SSPN: variants seen among roughly 807,000 people sequenced by gnomAD.
SSPN encodes sarcospan.
SSPN carries 15 observed loss-of-function variants against 19.1 expected under a neutral mutation model. That is an observed-to-expected ratio of 0.78 (90% confidence interval 0.52 to 1.21). The LOEUF is 1.21. SSPN is among the 50% of genes most tolerant of loss of function. SSPN has a pLI of 0.00. For missense variants in SSPN, 291 were observed against 314.0 expected (o/e 0.93, Z 0.55); for synonymous variants, 147 against 140.3 (o/e 1.05, Z -0.34).
chr12:26,201,011 G>GTATATATATA (rs869035319), intron 1 of SSPN, among the ~76,000 whole-genome samples: 2 of 76,024 alleles, frequency 2.6e-5, no homozygotes, highest in African/African-American at 9.3e-5. Flanking sequence ...GTTAATTTGT[G>GTATATATATA]TATATATATA....
At position 26,183,210 on chromosome 12, in the gene SSPN, G is replaced by A. The variant is rs146529213; in HGVS notation, c.-30-41083G>A. Among the ~76,000 whole-genome samples the A allele has an allele frequency of 2.6e-3, 391 of 152,250 alleles. 3 individuals carry two copies. The highest frequency in any genetic ancestry group is 0.01 in the South Asian group (50 of 4,818). On this transcript the variant is annotated intron_variant, in intron 1 of 2. Transcript: ENST00000538142. ...GGACACACAATTCAGAATAAGAACC[G>A]CATTTATGATAACCCCTTGTACTTT...
upstream of SSPN, chr12:26,195,476 CG>C: frequency 2.0e-6 from 2 of 991,718 alleles, no homozygotes; most frequent in Non-Finnish European, 2.6e-6. Context: ...TGGCAGTTGG[CG>C]ACCCCCCTCG....
chr12:26,201,048 A>T (rs201063422), intron 1 of SSPN, among the ~76,000 whole-genome samples: 2,366 of 66,548 alleles, frequency 0.036, 44 homozygotes, highest in African/African-American at 0.041. Flanking sequence ...TATATATATT[A>T]TATATATATA....
At chr12:26,223,660 T>C (rs926076972) in intron 1 of SSPN, among the ~76,000 whole-genome samples, 1 of 152,236 alleles carries the variant, frequency 6.6e-6, no homozygotes, top group Non-Finnish European at 1.5e-5. Context: ...CTTTGTGCCT[T>C]TTCTTTCTTA....
intron 1 of SSPN, among the ~76,000 whole-genome samples, chr12:26,183,352 A>G (rs1944732010): frequency 6.6e-6 from 1 of 152,044 alleles, no homozygotes; most frequent in South Asian, 2.1e-4. Context: ...AGATTCAAAC[A>G]ATTGGCCCTC....
At chr12:26,183,175 T>C (rs955707768) in intron 1 of SSPN, among the ~76,000 whole-genome samples, 6 of 152,216 alleles carry the variant, frequency 3.9e-5, no homozygotes, top group Non-Finnish European at 8.8e-5. Flanking sequence ...AAGAGAAACA[T>C]GGGTGATTTG....
At chr12:26,212,583 A>G (rs1945000984) in intron 1 of SSPN, among the ~76,000 whole-genome samples, 1 of 152,116 alleles carries the variant, frequency 6.6e-6, no homozygotes, top group African/African-American at 2.4e-5. Context: ...GGCAGGCAGA[A>G]CTTAGTTCTT....
At chr12:26,129,254 G>A (rs920680180) in intron 1 of SSPN, among the ~76,000 whole-genome samples, 2 of 152,130 alleles carry the variant, frequency 1.3e-5, no homozygotes, top group African/African-American at 2.4e-5. Context: ...TTTACAGAGC[G>A]GACAAGAATC....
intron 1 of SSPN, among the ~76,000 whole-genome samples, chr12:26,137,141 T>C (rs1944430183): frequency 6.6e-6 from 1 of 152,182 alleles, no homozygotes; most frequent in South Asian, 2.1e-4. Flanking sequence ...CCCTTTGATA[T>C]AGATAGTGTG....
chr12:26,192,803 C>T (rs1215445100), upstream of SSPN, among the ~76,000 whole-genome samples: 1 of 152,158 alleles, frequency 6.6e-6, no homozygotes, highest in African/African-American at 2.4e-5. Context: ...GTGAGGCAAT[C>T]AAAAGTAAGC....
At chr12:26,197,449 G>A (rs917682466) in intron 1 of SSPN, among the ~76,000 whole-genome samples, 1 of 152,196 alleles carries the variant, frequency 6.6e-6, no homozygotes, top group African/African-American at 2.4e-5. Context: ...TACCCAGGGG[G>A]AAAATATGTC....
At chr12:26,182,513 G>A (rs1220563240) in intron 1 of SSPN, among the ~76,000 whole-genome samples, 1 of 151,910 alleles carries the variant, frequency 6.6e-6, no homozygotes, top group Non-Finnish European at 1.5e-5. Context: ...TGACAAAGGT[G>A]AAGGACCAGG....
intron 1 of SSPN, among the ~76,000 whole-genome samples, chr12:26,147,154 C>T (rs1040947868): frequency 6.6e-6 from 1 of 152,140 alleles, no homozygotes; most frequent in Non-Finnish European, 1.5e-5. Flanking sequence ...ATTCCACTTT[C>T]TGGAAATATC....
At position 26,231,135 on chromosome 12, in the gene SSPN, C is replaced by CA. The variant is rs202155192; in HGVS notation, c.*68dup. 1,318 of 1,438,162 alleles carry CA rather than the reference C, an allele frequency of 9.2e-4. 15 individuals carry two copies. The African/African-American group carries it at 0.016, about 18-fold the overall frequency. The allele number at this position is 1,438,162 out of a possible 1,614,324, so 89.1% of individuals were successfully genotyped here. The stretch of plus-strand genomic sequence containing the variant: ...CATGGAGTAGCTGAGGTTAAACAAA[C>CA]AAAAAAAAATTTTAAACAAAGAAAG... On this transcript the variant is annotated 3_prime_UTR_variant, in exon 3 of 3. Coordinates refer to ENST00000242729, the MANE Select transcript of SSPN (RefSeq NM_005086.5).
chr12:26,122,282 C>CGCGGCGGCGGCGGCG (rs909227356), intron 1 of SSPN: 1 of 1,202,354 alleles, frequency 8.3e-7, no homozygotes, highest in Non-Finnish European at 1.0e-6. Flanking sequence ...GGCAGGGGAA[C>CGCGGCGGCGGCGGCG]GCGGCGGCGG....
At chr12:26,186,892 T>G (rs780987316) in intron 1 of SSPN, among the ~76,000 whole-genome samples, 7 of 152,186 alleles carry the variant, frequency 4.6e-5, no homozygotes, top group Admixed American at 2.0e-4. Flanking sequence ...CTGTAATTGT[T>G]TTCTGAGGCT....
intron 1 of SSPN, chr12:26,122,633 C>T (rs1944321723): frequency 1.6e-6 from 2 of 1,276,018 alleles, no homozygotes; most frequent in African/African-American, 1.6e-5. Context: ...CCGCGCCGCC[C>T]CCCGGGCCGC....
upstream of SSPN, among the ~76,000 whole-genome samples, chr12:26,191,991 ATGTTGGTTTAAAGATTAT>A (rs1412849142): frequency 3.9e-5 from 6 of 152,214 alleles, no homozygotes; most frequent in Non-Finnish European, 8.8e-5. Flanking sequence ...GTTTGAGAAT[ATGTTGGTTTAAAGATTAT>A]TTCTAGTTGG....
At chr12:26,169,339 C>T (rs947588841) in intron 1 of SSPN, among the ~76,000 whole-genome samples, 6 of 151,748 alleles carry the variant, frequency 4.0e-5, no homozygotes, top group Non-Finnish European at 5.9e-5. Flanking sequence ...TTTGAAATAT[C>T]CTAATGAGAT....
Sources: gnomAD v4.1 joint callset for allele counts (sites outside exome capture counted in the v4.1 genomes callset) on GRCh38, gnomAD v4.1.1 for gene constraint, MANE v1.5 for transcripts, NCBI Gene and HGNC (gene_info 2026-07-23, HGNC 2026-07-21) for gene names.